The following DAPK3 variants were observed in gnomAD, a reference collection of about 807,000 sequenced individuals.
DAPK3 encodes death associated protein kinase 3.
Under a neutral mutation model 30.6 loss-of-function variants are expected in DAPK3, and 24 were observed. The observed-to-expected ratio is 0.78, with a 90% CI of 0.57 to 1.10. The LOEUF is 1.10. Among genes scored for constraint, DAPK3 ranks in the 50% least tolerant of loss-of-function variants. The pLI, the probability that DAPK3 is intolerant of heterozygous loss-of-function variation, is 0.00. For missense variants in DAPK3, 629 were observed against 657.3 expected (o/e 0.96, Z 0.47); for synonymous variants, 341 against 284.0 (o/e 1.20, Z -2.02).
Position 3,960,087 on chromosome 19 carries a change from G to T in DAPK3, c.800C>A (p.Ala267Asp). The T allele has an allele frequency of 1.3e-6, 2 of 1,567,168 alleles. No homozygotes were observed. The highest frequency in any genetic ancestry group is 1.8e-6 in the Non-Finnish European group (2 of 1,137,640). Reference sequence around the variant, plus strand: ...AATCCAGGAATGTTCCAGGCTCTGGGCAATGGTCATTCTCCGCCTGGAAGA... The same window carrying T: ...AATCCAGGAATGTTCCAGGCTCTGGTCAATGGTCATTCTCCGCCTGGAAGA... ...VKDPKRRMTI[A>D]QSLEHSWIKA... Residue 267 changes from alanine to aspartate, a missense_variant, in exon 8 of 9, where the codon GCC (alanine) becomes GAC (aspartate). Coordinates refer to ENST00000545797, the MANE Select transcript of DAPK3 (RefSeq NM_001348.3).
intron 4 of DAPK3, 83 bp from the exon 5 acceptor site, chr19:3,964,002 T>C: frequency 1.0e-6 from 1 of 968,712 alleles, no homozygotes; most frequent in Non-Finnish European, 1.6e-6. Context: ...GGGGTCAAGG[T>C]TCTCACATGT....
In DAPK3 at chr19:3,964,941, T is replaced by TCCTTGC; in HGVS notation, c.107_112dup (p.Gly36_Lys37dup). ...CTTCTTGATGAACTTGGCTGCGTACTCCTTGCCCGTGCCCTTCTGCCGGCA... is the reference window on the plus strand; with the variant it reads ...CTTCTTGATGAACTTGGCTGCGTACTCCTTGCCCTTGCCCGTGCCCTTCTGCCGGCA... On this transcript the variant is annotated inframe_insertion, in exon 3 of 9. Transcript: ENST00000545797. 1 of 1,612,202 alleles carries TCCTTGC rather than the reference T, an allele frequency of 6.2e-7. No homozygotes were observed. The highest frequency in any genetic ancestry group is 8.5e-7 in the Non-Finnish European group (1 of 1,178,886).
chr19:3,964,414 C>A (rs748654147), intron 3 of DAPK3, 41 bp from the exon 4 acceptor site: 1 of 1,531,846 alleles, frequency 6.5e-7, no homozygotes, highest in South Asian at 1.1e-5. Flanking sequence ...CACGGGCCTC[C>A]CCCACCCTCA....
At position 3,963,997 on chromosome 19, in the gene DAPK3, C is replaced by G. The variant is rs1261118151; in HGVS notation, c.554-78G>C. On this transcript the variant is annotated intron_variant, in intron 4 of 8. Coordinates refer to ENST00000545797, the MANE Select transcript of DAPK3 (RefSeq NM_001348.3). ...GAGGCTCAAGACACAGGCATGGGGTCAAGGTTCTCACATGTCGCAGCCCTT... is the reference window on the plus strand; with the variant it reads ...GAGGCTCAAGACACAGGCATGGGGTGAAGGTTCTCACATGTCGCAGCCCTT... The G allele has an allele frequency of 7.0e-6, 7 of 1,000,240 alleles. No homozygotes were observed. In the Admixed American group the frequency reaches 1.4e-4, roughly 19 times the overall value. The allele number at this position is 1,000,240 out of a possible 1,614,324, so 62.0% of individuals were successfully genotyped here. A position where few individuals can be genotyped will look rare whatever the true frequency, so the allele number is the denominator to read the frequency against.
intron 2 of DAPK3, among the ~76,000 whole-genome samples, chr19:3,965,878 CT>C (rs1041309859): frequency 2.5e-4 from 38 of 152,152 alleles, no homozygotes; most frequent in African/African-American, 9.2e-4. Context: ...GTTGCCCACG[CT>C]GGTCTCGAAC....
chr19:3,959,178 C>T lies in DAPK3; in HGVS notation c.1288G>A (p.Glu430Lys). The change falls in exon 9 of 9, where the codon GAG becomes AAG. Residue 430 changes from glutamate (E) to lysine (K), a missense_variant. Physicochemically the swap from Glu to Lys is moderately conservative, Grantham distance 56. This residue lies in a region of DAPK3 where 323 missense variants were observed against 278.8 expected (regional missense o/e 1.16). Coordinates refer to ENST00000545797, the MANE Select transcript of DAPK3 (RefSeq NM_001348.3). ...ACGAGGTCCTGCACGAAGCGCATCT[C>T]GGAGGCTACTTGCTTGGCCAGCGCC... ...YEALAKQVASEMRFVQDLVRA... is the reference protein window; with the variant it reads ...YEALAKQVASKMRFVQDLVRA... 1 of 1,597,352 alleles carries T rather than the reference C, an allele frequency of 6.3e-7. No homozygotes were observed. Among genetic ancestry groups the T allele is most frequent in the Non-Finnish European group, 8.5e-7 (1 of 1,176,650 alleles).
chr19:3,963,929 A>G lies in DAPK3; in HGVS notation c.554-10T>C. ...TTCACAATCTCTGGGGCTGCAGAAC[A>G]GGGAGATGTGGGTCAGGCACTGGGG... On this transcript the variant is annotated splice_polypyrimidine_tract_variant and intron_variant, in intron 4 of 8. Coordinates refer to ENST00000545797, the MANE Select transcript of DAPK3 (RefSeq NM_001348.3). The G allele has an allele frequency of 1.3e-6, 2 of 1,587,196 alleles. No homozygotes were observed. Among genetic ancestry groups the G allele is most frequent in the Non-Finnish European group, 1.7e-6 (2 of 1,157,700 alleles).
chr19:3,969,554 A>G, intron 2 of DAPK3, 120 bp downstream of exon 2: 1 of 681,766 alleles, frequency 1.5e-6, no homozygotes, highest in Non-Finnish European at 2.5e-6. Flanking sequence ...ACCGCATGAT[A>G]CTGACTCATT....
chr19:3,959,944 C>G (rs751899513), intron 8 of DAPK3, 115 bp downstream of exon 8: 1 of 777,000 alleles, frequency 1.3e-6, no homozygotes, highest in Non-Finnish European at 2.3e-6. Context: ...TGGGGACCCT[C>G]CCCAGCCACT....
rs1216630504 is a variant in DAPK3 at position 3,959,196 on chromosome 19, C to T, written c.1270G>A (p.Ala424Thr). The T allele has an allele frequency of 1.3e-6, 2 of 1,599,246 alleles. No individual in the cohort carries two copies. The highest frequency in any genetic ancestry group is 1.1e-5 in the South Asian group (1 of 90,178). The change falls in exon 9 of 9, where the codon GCC (alanine) becomes ACC (threonine). Residue 424 changes from alanine (A) to threonine (T), a missense_variant. Ala to Thr is a moderately conservative substitution (Grantham distance 58). Coordinates refer to ENST00000545797, the MANE Select transcript of DAPK3 (RefSeq NM_001348.3). ...CGCATCTCGGAGGCTACTTGCTTGG[C>T]CAGCGCCTCGTAGCGGTTCTCCAGG... The part of the protein sequence containing the change: ...SRLENRYEAL[A>T]KQVASEMRFV...
In DAPK3 at chr19:3,964,589, C is replaced by A. The variant is rs753626175; in HGVS notation, c.423+42G>T. On this transcript the variant is annotated intron_variant, in intron 3 of 8. Transcript: ENST00000545797. ...CTCTTCCCCGCCCCATCCCCACCCC[C>A]ACACTGGCCAGGCCGGCCCCACAGG... 11 of 1,563,020 alleles carry A rather than the reference C, an allele frequency of 7.0e-6. No individual in the cohort carries two copies. The South Asian group carries it at 9.4e-5, about 13-fold the overall frequency.
At chr19:3,959,799 C>CTA in intron 8 of DAPK3, 162 bp from the exon 9 acceptor site, 1 of 842,596 alleles carries the variant, frequency 1.2e-6, no homozygotes, top group East Asian at 2.7e-5. Context: ...AGTGCTCTCT[C>CTA]GAGAAAAACG....
chr19:3,962,885 G>A (rs1354794676), intron 6 of DAPK3, among the ~76,000 whole-genome samples: 1 of 151,600 alleles, frequency 6.6e-6, no homozygotes, highest in East Asian at 1.9e-4. Flanking sequence ...CAGATCACCT[G>A]AGGTCAGGAG....
chr19:3,961,082 C>T lies in DAPK3; in HGVS notation c.709G>A (p.Asp237Asn). 1 of 1,613,852 alleles carries T rather than the reference C, an allele frequency of 6.2e-7. No homozygotes were observed. Among genetic ancestry groups the T allele is most frequent in the Non-Finnish European group, 8.5e-7 (1 of 1,179,956 alleles). The part of the protein sequence containing the change: ...TNISAVNYDF[D>N]EEYFSNTSEL... The stretch of plus-strand genomic sequence containing the variant: ...CTGGTGTTGCTGAAGTACTCCTCGT[C>T]GAAGTCGTAGTTCACGGCTGAGATG... Residue 237 changes from aspartate (D) to asparagine (N), a missense_variant, in exon 7 of 9, where the codon GAC becomes AAC. Asp to Asn is a conservative substitution (Grantham distance 23). Transcript: ENST00000545797.
At chr19:3,966,885 A>ACTGG (rs1227072086) in intron 2 of DAPK3, among the ~76,000 whole-genome samples, 1 of 152,188 alleles carries the variant, frequency 6.6e-6, no homozygotes, top group Non-Finnish European at 1.5e-5. Context: ...AGGCAAGGCC[A>ACTGG]CTGGCAGGCT....
intron 2 of DAPK3, 141 bp downstream of exon 2, chr19:3,969,533 T>TG: frequency 1.8e-6 from 1 of 540,726 alleles, no homozygotes. Context: ...ACGGCCCAAA[T>TG]TCGTTCCCCC....
At chr19:3,967,207 T>C (rs1250811496) in intron 2 of DAPK3, among the ~76,000 whole-genome samples, 1 of 151,998 alleles carries the variant, frequency 6.6e-6, no homozygotes, top group African/African-American at 2.4e-5. Flanking sequence ...TCCCAGCACT[T>C]TGGGAGGCAA....
intron 6 of DAPK3, 101 bp from the exon 7 acceptor site, chr19:3,961,262 G>T: frequency 1.0e-6 from 1 of 954,518 alleles, no homozygotes; most frequent in Non-Finnish European, 1.6e-6. Context: ...AAGACAGGCT[G>T]ACGGCAGGTG....
chr19:3,959,401 C>A lies in DAPK3; in HGVS notation c.1065G>T (p.Ala355=), dbSNP rs1230717935. The A allele has an allele frequency of 1.9e-6, 3 of 1,566,490 alleles. No homozygotes were observed. Among genetic ancestry groups the A allele is most frequent in the South Asian group, 1.1e-5 (1 of 86,976 alleles). The part of the protein sequence containing the change: ...SRRLCHEDVE[A]LAAIYEEKEA... ...CCTTCTCCTCGTAGATGGCGGCCAG[C>A]GCCTCCACGTCCTCGTGGCAGAGCC... is the stretch of plus-strand genomic sequence containing the variant. Residue 355 remains alanine, a synonymous_variant, in exon 9 of 9, where the codon GCG becomes GCT. Coordinates refer to ENST00000545797, the MANE Select transcript of DAPK3 (RefSeq NM_001348.3).
Sources: allele counts gnomAD v4.1 joint callset (sites outside exome capture counted in the v4.1 genomes callset), GRCh38; gene constraint gnomAD v4.1.1; regional missense constraint gnomAD v4.1.1; transcripts MANE v1.5; gene names NCBI Gene and HGNC (gene_info 2026-07-23, HGNC 2026-07-21).